NAV2: variants seen among roughly 807,000 people sequenced by gnomAD.
The protein encoded by NAV2 is helicase, APC down-regulated 1.
Under a neutral mutation model 223.2 loss-of-function variants are expected in NAV2, and 54 were observed. The ratio of observed to expected loss-of-function variants is 0.24; its 90% CI spans 0.19 to 0.30. NAV2 has a LOEUF of 0.30. NAV2 is among the 10% of genes least tolerant of loss of function. The pLI, the probability that NAV2 is intolerant of heterozygous loss-of-function variation, is 1.00. For synonymous variants in NAV2, 1,279 were observed against 1,239.3 expected, an observed-to-expected ratio of 1.03 and a Z score of -0.67; for missense variants, 2,806 against 3,147.5, an observed-to-expected ratio of 0.89 and a Z score of 2.60.
intron 1 of NAV2, among the ~76,000 whole-genome samples, chr11:19,472,090 C>CAGGT (rs1297646747): frequency 6.6e-6 from 1 of 152,180 alleles, no homozygotes; most frequent in Non-Finnish European, 1.5e-5. Context: ...TGTTGTTGGG[C>CAGGT]AGGTATTCTT....
At chr11:20,013,278 GAACC>G (rs1405042291) in intron 11 of NAV2, among the ~76,000 whole-genome samples, 4 of 152,182 alleles carry the variant, frequency 2.6e-5, no homozygotes, top group African/African-American at 9.7e-5. Context: ...TTGGTTTTCA[GAACC>G]AATAGCAAAA....
chr11:20,077,742 G>C, intron 23 of NAV2, 107 bp downstream of exon 23: 1 of 965,918 alleles, frequency 1.0e-6, no homozygotes, highest in Non-Finnish European at 1.6e-6. Context: ...TGTATTTCTT[G>C]AACTGTTAAA....
At chr11:19,591,872 G>A (rs753243123) in intron 1 of NAV2, among the ~76,000 whole-genome samples, 6 of 152,196 alleles carry the variant, frequency 3.9e-5, no homozygotes, top group South Asian at 2.1e-4. Context: ...CAGATGGCTG[G>A]CTGCTTGTTG....
chr11:19,745,778 T>C (rs1434551100), intron 1 of NAV2, among the ~76,000 whole-genome samples: 1 of 152,130 alleles, frequency 6.6e-6, no homozygotes, highest in Admixed American at 6.5e-5. Flanking sequence ...CCTGTGAGAA[T>C]CTAATGCCAC....
Position 19,948,852 on chromosome 11 carries a change from C to T in NAV2, c.2417C>T (p.Pro806Leu), listed in dbSNP as rs751187149. ...DAPSMGNGYP[P>L]RANASRFINT... ...CCCTCAATGGGCAATGGGTATCCCCCTCGAGCCAACGCCAGCAGGTTCATC... is the reference window on the plus strand; with the variant it reads ...CCCTCAATGGGCAATGGGTATCCCCTTCGAGCCAACGCCAGCAGGTTCATC... Residue 806 changes from proline (P) to leucine (L), a missense_variant, in exon 10 of 38, where the codon CCT (proline) becomes CTT (leucine). Physicochemically the swap from Pro to Leu is moderately conservative, Grantham distance 98. Transcript: ENST00000349880. The T allele has an allele frequency of 4.3e-6, 7 of 1,614,100 alleles. No homozygotes were observed. Among genetic ancestry groups the T allele is most frequent in the Non-Finnish European group, 5.9e-6 (7 of 1,180,036 alleles).
chr11:19,824,924 G>T (rs1409849229), intron 1 of NAV2, among the ~76,000 whole-genome samples: 1 of 152,152 alleles, frequency 6.6e-6, no homozygotes, highest in Non-Finnish European at 1.5e-5. Flanking sequence ...CTCTACTATT[G>T]TTGCAAAATC....
In NAV2 at chr11:20,044,018, C is replaced by A; in HGVS notation, c.2945C>A (p.Ser982Tyr). Reference protein sequence around the residue: ...AEKHSQVERNSLWSGDDVKKS... With the variant: ...AEKHSQVERNYLWSGDDVKKS... Reference sequence around the variant, plus strand: ...AAGCACTCACAGGTGGAGAGGAATTCCCTGTGGTCTGGTGATGATGTCAAG... The same window carrying A: ...AAGCACTCACAGGTGGAGAGGAATTACCTGTGGTCTGGTGATGATGTCAAG... The change falls in exon 13 of 38, where the codon TCC (serine) becomes TAC (tyrosine). Residue 982 changes from serine (S) to tyrosine (Y), a missense_variant. By Grantham distance (144) the Ser-to-Tyr change is moderately radical. Coordinates refer to ENST00000349880, the MANE Select transcript of NAV2 (RefSeq NM_145117.5). 1 of 1,614,134 alleles carries A rather than the reference C, an allele frequency of 6.2e-7. No individual in the cohort carries two copies. Among genetic ancestry groups the A allele is most frequent in the South Asian group, 1.1e-5 (1 of 91,076 alleles).
At chr11:20,053,254 T>G (rs1465749161) in intron 17 of NAV2, among the ~76,000 whole-genome samples, 1 of 149,452 alleles carries the variant, frequency 6.7e-6, no homozygotes. Context: ...GGAAAGAAAT[T>G]TCACACGCTA....
chr11:19,790,345 A>G (rs1171788002), intron 1 of NAV2, among the ~76,000 whole-genome samples: 1 of 152,192 alleles, frequency 6.6e-6, no homozygotes, highest in Non-Finnish European at 1.5e-5. Context: ...CCAGAGAGGG[A>G]AAGTGATTTG....
At chr11:19,962,424 A>C (rs1303642992) in intron 10 of NAV2, among the ~76,000 whole-genome samples, 3 of 152,142 alleles carry the variant, frequency 2.0e-5, no homozygotes, top group African/African-American at 7.2e-5. Flanking sequence ...CAGCCATCCC[A>C]GCCTGTAAGC....
intron 11 of NAV2, among the ~76,000 whole-genome samples, chr11:20,019,184 C>T (rs1195134784): frequency 6.6e-6 from 1 of 152,074 alleles, no homozygotes; most frequent in Non-Finnish European, 1.5e-5. Flanking sequence ...GCTGAGCGAC[C>T]CGGGAGGTGT....
intron 11 of NAV2, chr11:20,027,262 C>T (rs1252837762): frequency 1.8e-5 from 18 of 985,308 alleles, no homozygotes; most frequent in Non-Finnish European, 2.0e-5. Flanking sequence ...TACAGTTAGG[C>T]TTGCTCACTC....
chr11:19,538,881 T>A (rs1829325739), intron 1 of NAV2, among the ~76,000 whole-genome samples: 1 of 140,120 alleles, frequency 7.1e-6, no homozygotes, highest in South Asian at 2.2e-4. Flanking sequence ...ACAACCAGGA[T>A]AATGACATTT....
chr11:19,936,267 G>T (rs1464182352), intron 7 of NAV2, among the ~76,000 whole-genome samples: 1 of 152,038 alleles, frequency 6.6e-6, no homozygotes, highest in African/African-American at 2.4e-5. Context: ...ACATATTCAG[G>T]ATTCACAGCT....
intron 1 of NAV2, among the ~76,000 whole-genome samples, chr11:19,403,571 A>G (rs1030186174): frequency 2.6e-5 from 4 of 152,260 alleles, no homozygotes; most frequent in Non-Finnish European, 5.9e-5. Flanking sequence ...ATCAGCAGAC[A>G]GAATGGGATG....
At chr11:19,349,792 G>T (rs989659537), upstream of NAV2, among the ~76,000 whole-genome samples, 1 of 152,050 alleles carries the variant, frequency 6.6e-6, no homozygotes, top group Non-Finnish European at 1.5e-5. Context: ...TGGTGCAGAG[G>T]TCCCTTCCTC....
intron 6 of NAV2, among the ~76,000 whole-genome samples, chr11:19,920,275 A>C (rs981078285): frequency 2.6e-5 from 4 of 152,214 alleles, no homozygotes; most frequent in Non-Finnish European, 5.9e-5. Flanking sequence ...GAAATAATTA[A>C]ATAAACCTGT....
intron 1 of NAV2, among the ~76,000 whole-genome samples, chr11:19,365,803 AG>A (rs1459603996): frequency 1.3e-5 from 2 of 152,318 alleles, no homozygotes; most frequent in East Asian, 3.9e-4. Context: ...GCTGATACTT[AG>A]ACCCATTTTA....
Position 19,869,604 on chromosome 11 carries a change from A to G in NAV2, c.511+607A>G, listed in dbSNP as rs561652339. ...CGAATTCTCAGCCACCTCAGACAAC[A>G]AGTCAGCCTGAAACTTTCACGCTCT... On this transcript the variant is annotated intron_variant, in intron 4 of 37. Transcript: ENST00000349880. Among the ~76,000 whole-genome samples, 42 of 152,290 alleles carry G rather than the reference A, an allele frequency of 2.8e-4. 1 individual carries two copies. The highest frequency in any genetic ancestry group is 2.6e-3 in the Admixed American group (39 of 15,290).
Sources: gnomAD v4.1 joint callset for allele counts (sites outside exome capture counted in the v4.1 genomes callset) on GRCh38, gnomAD v4.1.1 for gene constraint, MANE v1.5 for transcripts, NCBI Gene and HGNC (gene_info 2026-07-23, HGNC 2026-07-21) for gene names.